The following NIPA2 variants were observed in gnomAD, a reference collection of about 807,000 sequenced individuals.
The protein encoded by NIPA2 is magnesium transporter NIPA2.
Under a neutral mutation model 29.7 loss-of-function variants are expected in NIPA2, and 11 were observed. The observed-to-expected ratio is 0.37, with a 90% CI of 0.23 to 0.61. The LOEUF is 0.61. NIPA2 is among the 20% of genes least tolerant of loss of function. NIPA2 has a pLI of 0.66. For synonymous variants in NIPA2, 183 were observed against 161.9 expected (o/e 1.13, Z -0.99); for missense variants, 426 against 437.9 (o/e 0.97, Z 0.24).
At chr15:22,858,165 G>A (rs904226649) in intron 5 of NIPA2, among the ~76,000 whole-genome samples, 13 of 152,188 alleles carry the variant, frequency 8.5e-5, no homozygotes, top group Non-Finnish European at 1.2e-4. Flanking sequence ...AGGCCGAGGC[G>A]GGCAGATCAC....
At chr15:22,846,288 C>G (rs1595281296) in intron 3 of NIPA2, among the ~76,000 whole-genome samples, 1 of 152,174 alleles carries the variant, frequency 6.6e-6, no homozygotes, top group South Asian at 2.1e-4. Context: ...GTACCTGTGC[C>G]TGGTCACTGT....
chr15:22,862,914 T>TTA (rs1238743971), intron 7 of NIPA2, among the ~76,000 whole-genome samples: 1 of 147,448 alleles, frequency 6.8e-6, no homozygotes, highest in East Asian at 2.0e-4. Context: ...TTTTTTTTTT[T>TTA]TTTTGGAGAC....
At chr15:22,840,290 GTTTTTTTTTTTGT>G (rs2140938965) in intron 2 of NIPA2, among the ~76,000 whole-genome samples, 2 of 137,846 alleles carry the variant, frequency 1.5e-5, no homozygotes, top group Non-Finnish European at 3.1e-5. Context: ...TCTATATATA[GTTTTTTTTTTTGT>G]TTTTTTTTTT....
chr15:22,840,292 T>G (rs996941641), intron 2 of NIPA2, among the ~76,000 whole-genome samples: 5 of 145,710 alleles, frequency 3.4e-5, no homozygotes, highest in African/African-American at 5.1e-5. Context: ...TATATATAGT[T>G]TTTTTTTTTG....
chr15:22,846,826 A>G, intron 3 of NIPA2, among the ~76,000 whole-genome samples: 1 of 115,634 alleles, frequency 8.6e-6, no homozygotes. Flanking sequence ...CAAAATAATA[A>G]TAATAATAAT....
At chr15:22,866,139 AT>A in intron 7 of NIPA2, 73 bp from the exon 8 acceptor site, 1 of 1,205,920 alleles carries the variant, frequency 8.3e-7, no homozygotes, top group Non-Finnish European at 1.2e-6. Flanking sequence ...CAAGTTTATT[AT>A]ATTTTGTTTT....
chr15:22,854,696 A>C (rs1024756131), intron 5 of NIPA2, among the ~76,000 whole-genome samples: 2 of 152,002 alleles, frequency 1.3e-5, no homozygotes, highest in Non-Finnish European at 2.9e-5. Flanking sequence ...CAGTGAGCTG[A>C]TAACTGCACC....
rs761703594 is a variant in NIPA2 at position 22,866,802 on chromosome 15, T to G, written c.1038T>G (p.Thr346=). Residue 346 remains threonine (T), a synonymous_variant, in exon 8 of 8, where the codon ACT becomes ACG. Transcript: ENST00000337451. ...ESLTCGIEQH[T]GENVSRRNGN... is the part of the protein sequence containing the mutation. ...TAACCTGTGGAATCGAACAACACACTGGTGAAAATGTCTCCCGAAGAAATG... is the reference window on the plus strand; with the variant it reads ...TAACCTGTGGAATCGAACAACACACGGGTGAAAATGTCTCCCGAAGAAATG... The G allele has an allele frequency of 6.2e-7, 1 of 1,603,790 alleles. No individual in the cohort carries two copies. Among genetic ancestry groups the G allele is most frequent in the Non-Finnish European group, 8.5e-7 (1 of 1,174,138 alleles).
At chr15:22,856,275 T>A (rs2058171914) in intron 5 of NIPA2, among the ~76,000 whole-genome samples, 1 of 152,150 alleles carries the variant, frequency 6.6e-6, no homozygotes, top group African/African-American at 2.4e-5. Flanking sequence ...GAAATAAAGC[T>A]AAATATTAAT....
chr15:22,858,664 C>T (rs763788579), intron 6 of NIPA2, 34 bp downstream of exon 6: 15 of 1,302,926 alleles, frequency 1.2e-5, no homozygotes, highest in Non-Finnish European at 1.5e-5. Flanking sequence ...AAACAGTAGT[C>T]GGTATCTTAG....
At chr15:22,855,175 G>A (rs1258999461) in intron 5 of NIPA2, among the ~76,000 whole-genome samples, 1 of 152,080 alleles carries the variant, frequency 6.6e-6, no homozygotes, top group Admixed American at 6.6e-5. Flanking sequence ...CACTTTGGGA[G>A]CCCGAGGTGG....
Position 22,868,162 on chromosome 15 carries a change from C to CT in NIPA2, c.*1321dup, listed in dbSNP as rs1204132416. On this transcript the variant is annotated 3_prime_UTR_variant, in exon 8 of 8. Coordinates refer to ENST00000337451, the MANE Select transcript of NIPA2 (RefSeq NM_030922.7). ...TCACCACTGGCTGCGTGGAAACTCCCTTTTTTCCAACTTTATTATTGGCCT... is the reference window on the plus strand; with the variant it reads ...TCACCACTGGCTGCGTGGAAACTCCCTTTTTTTCCAACTTTATTATTGGCCT... The CT allele has an allele frequency of 6.6e-6, 1 of 152,200 alleles. No individual in the cohort carries two copies. Among genetic ancestry groups the CT allele is most frequent in the African/African-American group, 2.4e-5 (1 of 41,450 alleles). 9.4% of individuals were successfully genotyped at this position (152,200 alleles called of 1,614,324 possible). A position where few individuals can be genotyped will look rare whatever the true frequency, so the allele number is the denominator to read the frequency against.
At chr15:22,852,567 G>T (rs1049535056) in intron 4 of NIPA2, among the ~76,000 whole-genome samples, 5 of 152,034 alleles carry the variant, frequency 3.3e-5, no homozygotes, top group Non-Finnish European at 7.4e-5. Flanking sequence ...CGACATTTTG[G>T]CAGGAAGGAA....
intron 3 of NIPA2, among the ~76,000 whole-genome samples, chr15:22,848,226 C>T (rs1467962665): frequency 2.6e-5 from 4 of 152,036 alleles, no homozygotes; most frequent in Admixed American, 6.6e-5. Flanking sequence ...CTCCCATTTT[C>T]GTAGTCCGTA....
intron 5 of NIPA2, 105 bp downstream of exon 5, chr15:22,853,373 TC>T (rs371014365): frequency 3.7e-5 from 21 of 568,618 alleles, no homozygotes; most frequent in South Asian, 1.0e-4. Context: ...GTTTAAATAA[TC>T]TTTTTTTTTT....
chr15:22,867,905 A>G lies in NIPA2; in HGVS notation c.*1058A>G, dbSNP rs1443598482. 1 of 152,258 alleles carries G rather than the reference A, an allele frequency of 6.6e-6. No homozygotes were observed. Among genetic ancestry groups the G allele is most frequent in the Non-Finnish European group, 1.5e-5 (1 of 68,048 alleles). The allele number at this position is 152,258 out of a possible 1,614,324, so 9.4% of individuals were successfully genotyped here. A position where few individuals can be genotyped will look rare whatever the true frequency, so the allele number is the denominator to read the frequency against. On this transcript the variant is annotated 3_prime_UTR_variant, in exon 8 of 8. Coordinates refer to ENST00000337451, the MANE Select transcript of NIPA2 (RefSeq NM_030922.7). ...AAACATATGCAGAAAAGGTAGAATA[A>G]TAAAAAAGGTCTAATGAACTCCATT...
rs1269570900 is a variant in NIPA2 at position 22,860,779 on chromosome 15, A to C, written c.438A>C (p.Leu146=). ...CTTTAAATGAAATGTCTCACAAGCT[A>C]GGTGATCCAGGTAAGAAAAAAGTCT... ...IETLNEMSHK[L]GDPGFVVFAT... is the part of the protein sequence containing the mutation. Residue 146 remains leucine (L), a synonymous_variant, in exon 7 of 8, where the codon CTA becomes CTC. Transcript: ENST00000337451. 4 of 1,589,200 alleles carry C rather than the reference A, an allele frequency of 2.5e-6. No individual in the cohort carries two copies. Among genetic ancestry groups the C allele is most frequent in the Non-Finnish European group, 3.4e-6 (4 of 1,173,102 alleles).
chr15:22,849,287 T>A (rs1412035660), intron 3 of NIPA2, among the ~76,000 whole-genome samples: 1 of 148,258 alleles, frequency 6.7e-6, no homozygotes, highest in Admixed American at 6.9e-5. Flanking sequence ...GCTTCTTTCT[T>A]TTTATGTATA....
intron 7 of NIPA2, among the ~76,000 whole-genome samples, chr15:22,865,863 T>C (rs1440326939): frequency 6.6e-6 from 1 of 152,150 alleles, no homozygotes; most frequent in Non-Finnish European, 1.5e-5. Context: ...CTATAAATTG[T>C]TGAACATTCA....
Sources: gnomAD v4.1 joint callset for allele counts (sites outside exome capture counted in the v4.1 genomes callset) on GRCh38, gnomAD v4.1.1 for gene constraint, MANE v1.5 for transcripts, NCBI Gene and HGNC (gene_info 2026-07-23, HGNC 2026-07-21) for gene names.